Variants in PCSK2 observed in about 807,000 individuals in gnomAD.
The protein encoded by PCSK2 is neuroendocrine convertase 2.
A neutral mutation model predicts 69.7 loss-of-function variants in PCSK2; 14 were observed. The ratio of observed to expected loss-of-function variants is 0.20; its 90% CI spans 0.13 to 0.31. PCSK2 has a LOEUF of 0.31. Among genes scored for constraint, PCSK2 ranks in the 10% least tolerant of loss-of-function variants. The pLI, the probability that PCSK2 is intolerant of heterozygous loss-of-function variation, is 1.00. For missense variants in PCSK2, 544 were observed against 842.5 expected, an observed-to-expected ratio of 0.65 and a Z score of 4.39; for synonymous variants, 307 against 320.7, an observed-to-expected ratio of 0.96 and a Z score of 0.46.
intron 1 of PCSK2, among the ~76,000 whole-genome samples, chr20:17,227,964 G>A (rs1985996399): frequency 6.6e-6 from 1 of 152,264 alleles, no homozygotes; most frequent in South Asian, 2.1e-4. Flanking sequence ...CCCGCGCCGG[G>A]AGGACTTCCC....
intron 8 of PCSK2, among the ~76,000 whole-genome samples, chr20:17,451,866 G>A (rs1222580606): frequency 6.6e-6 from 1 of 150,990 alleles, no homozygotes; most frequent in African/African-American, 2.4e-5. Flanking sequence ...TTCTGCAGAT[G>A]GTCAACCTCA....
chr20:17,435,388 T>A (rs1197499703), intron 7 of PCSK2, among the ~76,000 whole-genome samples: 1 of 151,916 alleles, frequency 6.6e-6, no homozygotes, highest in Non-Finnish European at 1.5e-5. Context: ...CGATAGAAGG[T>A]TAAAGGTACA....
intron 5 of PCSK2, among the ~76,000 whole-genome samples, chr20:17,384,424 C>CTAA (rs1568627621): frequency 2.0e-4 from 15 of 76,306 alleles, no homozygotes; most frequent in East Asian, 6.4e-4. Context: ...TCCATATCTA[C>CTAA]CAAAAAAAAA....
At position 17,348,010 on chromosome 20, in the gene PCSK2, AAGAG is replaced by A. The variant is rs1213361187; in HGVS notation, c.283-10313_283-10310del. Among the ~76,000 whole-genome samples the A allele has an allele frequency of 3.9e-3, 552 of 141,762 alleles. 25 individuals carry two copies. Among genetic ancestry groups the A allele is most frequent in the African/African-American group, 0.014 (523 of 37,582 alleles). The allele number at this position is 141,762 out of a possible 152,430, so 93.0% of individuals were successfully genotyped here. On this transcript the variant is annotated intron_variant, in intron 2 of 11. Coordinates refer to ENST00000262545, the MANE Select transcript of PCSK2 (RefSeq NM_002594.5). ...GAGAGAGAAAAAAGAGAAAGAAAGA[AAGAG>A]AGAAAAGAGAAAGAAAGAAGAAAGA...
chr20:17,422,382 G>A (rs569755625), intron 6 of PCSK2, among the ~76,000 whole-genome samples: 1 of 152,114 alleles, frequency 6.6e-6, no homozygotes, highest in South Asian at 2.1e-4. Flanking sequence ...AGATCATTAA[G>A]AAGAAAATTA....
At chr20:17,365,295 T>C (rs2030552278) in intron 4 of PCSK2, among the ~76,000 whole-genome samples, 1 of 152,070 alleles carries the variant, frequency 6.6e-6, no homozygotes, top group African/African-American at 2.4e-5. Context: ...TTTATAAAAG[T>C]ACGAACCCCA....
chr20:17,378,008 G>A (rs909426617), intron 5 of PCSK2, among the ~76,000 whole-genome samples: 15 of 152,260 alleles, frequency 9.9e-5, no homozygotes, highest in South Asian at 6.2e-4. Context: ...CAAGAAAGCC[G>A]TATTGTTCCC....
At chr20:17,251,274 T>C (rs1986967516) in intron 1 of PCSK2, among the ~76,000 whole-genome samples, 2 of 152,208 alleles carry the variant, frequency 1.3e-5, no homozygotes, top group Admixed American at 6.5e-5. Context: ...TAAATCTTAA[T>C]ATTATCCAGA....
intron 8 of PCSK2, among the ~76,000 whole-genome samples, chr20:17,445,935 G>C (rs750724112): frequency 2.0e-5 from 3 of 152,160 alleles, no homozygotes; most frequent in Non-Finnish European, 4.4e-5. Context: ...GTGACCAGCC[G>C]TCTCATTTTG....
At position 17,482,145 on chromosome 20, in the gene PCSK2, C is replaced by G; in HGVS notation, c.*75C>G. On this transcript the variant is annotated 3_prime_UTR_variant, in exon 12 of 12. Transcript: ENST00000262545. ...GTCCTCGCTCCACGTTTCAGGCAGG[C>G]ACCTAGCAATTCCATCACCCGTACA... 6 of 1,404,330 alleles carry G rather than the reference C, an allele frequency of 4.3e-6. No homozygotes were observed. Among genetic ancestry groups the G allele is most frequent in the Non-Finnish European group, 5.7e-6 (6 of 1,054,046 alleles). The allele number at this position is 1,404,330 out of a possible 1,614,324, so 87.0% of individuals were successfully genotyped here.
chr20:17,227,864 C>A (rs929894013), intron 1 of PCSK2, among the ~76,000 whole-genome samples: 5 of 152,066 alleles, frequency 3.3e-5, no homozygotes, highest in Non-Finnish European at 7.4e-5. Flanking sequence ...AGGGAAGTCT[C>A]CCCCACCCCC....
intron 11 of PCSK2, among the ~76,000 whole-genome samples, chr20:17,472,831 T>A (rs532897070): frequency 6.6e-6 from 1 of 152,254 alleles, no homozygotes; most frequent in African/African-American, 2.4e-5. Flanking sequence ...CCTCCCAAAG[T>A]GTTGGGATTA....
chr20:17,290,522 T>A (rs1988662230), intron 2 of PCSK2, among the ~76,000 whole-genome samples: 1 of 152,348 alleles, frequency 6.6e-6, no homozygotes, highest in South Asian at 2.1e-4. Context: ...GTGGATGTTA[T>A]CATCCTGTTT....
chr20:17,378,715 C>A (rs963649407), intron 5 of PCSK2, among the ~76,000 whole-genome samples: 1 of 151,170 alleles, frequency 6.6e-6, no homozygotes, highest in Non-Finnish European at 1.5e-5. Flanking sequence ...TTGGATGGAA[C>A]GGATGGATGA....
intron 4 of PCSK2, among the ~76,000 whole-genome samples, chr20:17,366,688 C>T (rs7271754): frequency 0.01 from 1,561 of 152,240 alleles, 25 homozygotes; most frequent in African/African-American, 0.035. Context: ...TTACTTTTTC[C>T]GAATCATGTT....
chr20:17,411,338 T>C (rs1292619121), intron 6 of PCSK2, among the ~76,000 whole-genome samples: 1 of 152,238 alleles, frequency 6.6e-6, no homozygotes. Flanking sequence ...ATACTGTGCT[T>C]TTCCCATGGT....
Position 17,227,190 on chromosome 20 carries a change from T to C in PCSK2, c.-116T>C, listed in dbSNP as rs1471468854. On this transcript the variant is annotated 5_prime_UTR_variant, in exon 1 of 12. Transcript: ENST00000262545. ...AGACCCTGTTCAGTCTCTTTCTCTATACAAAGATTTTTTTAAAAACTATAT... is the reference window on the plus strand; with the variant it reads ...AGACCCTGTTCAGTCTCTTTCTCTACACAAAGATTTTTTTAAAAACTATAT... 1 of 676,448 alleles carries C rather than the reference T, an allele frequency of 1.5e-6. No individual in the cohort carries two copies. The highest frequency in any genetic ancestry group is 2.5e-5 in the Admixed American group (1 of 39,258). 41.9% of individuals were successfully genotyped at this position (676,448 alleles called of 1,614,324 possible).
chr20:17,443,931 TCC>T (rs768114236), intron 8 of PCSK2, among the ~76,000 whole-genome samples: 106 of 152,342 alleles, frequency 7.0e-4, no homozygotes, highest in Non-Finnish European at 1.4e-3. Context: ...ATTTGACTTT[TCC>T]CCAAGAAATG....
At chr20:17,468,894 C>T (rs2033154222) in intron 11 of PCSK2, among the ~76,000 whole-genome samples, 2 of 152,262 alleles carry the variant, frequency 1.3e-5, no homozygotes, top group Non-Finnish European at 2.9e-5. Flanking sequence ...TCACTGAACC[C>T]CTAGAAAGTG....
Sources: allele counts gnomAD v4.1 joint callset (sites outside exome capture counted in the v4.1 genomes callset), GRCh38; gene constraint gnomAD v4.1.1; transcripts MANE v1.5; gene names NCBI Gene and HGNC (gene_info 2026-07-23, HGNC 2026-07-21).